The following PTDSS2 variants were observed in gnomAD, a reference collection of about 807,000 sequenced individuals.
The protein encoded by PTDSS2 is PSS-2.
PTDSS2 carries 41 observed loss-of-function variants against 64.7 expected under a neutral mutation model. The observed-to-expected ratio is 0.63, with a 90% CI of 0.49 to 0.82. PTDSS2 has a LOEUF of 0.82. Among genes scored for constraint, PTDSS2 ranks in the 40% least tolerant of loss-of-function variants. The pLI, the probability that PTDSS2 is intolerant of heterozygous loss-of-function variation, is 0.00. For missense variants in PTDSS2, 485 were observed against 650.0 expected (o/e 0.75, Z 2.76); for synonymous variants, 297 against 277.8 (o/e 1.07, Z -0.69).
At position 479,969 on chromosome 11, in the gene PTDSS2, ATT is replaced by A. The variant is rs1241265093; in HGVS notation, c.435+818_435+819del. On this transcript the variant is annotated intron_variant, in intron 4 of 11. Transcript: ENST00000308020. This position sits in a 1 kb window ranked among gnomAD's most constrained non-coding sequence, Gnocchi z 4.2. ...AATTGACTTTTCTGAGGCAGTGTAC[ATT>A]CTGTGAATTTTAGCATTTGTGTAGA... Among the ~76,000 whole-genome samples, 2 of 152,208 alleles carry A rather than the reference ATT, an allele frequency of 1.3e-5. No individual in the cohort carries two copies. The highest frequency in any genetic ancestry group is 2.4e-5 in the African/African-American group (1 of 41,440).
chr11:464,656 G>A (rs1847060849), intron 2 of PTDSS2, among the ~76,000 whole-genome samples: 1 of 152,322 alleles, frequency 6.6e-6, no homozygotes, highest in South Asian at 2.1e-4. Flanking sequence ...GGGCTCACTG[G>A]GGAGCTTCCG....
rs114662775 is a variant in PTDSS2 at position 452,672 on chromosome 11, G to A, written c.182+2035G>A. Among the ~76,000 whole-genome samples the A allele has an allele frequency of 5.7e-3, 865 of 152,158 alleles. 6 individuals carry two copies. Among genetic ancestry groups the A allele is most frequent in the African/African-American group, 0.02 (832 of 41,502 alleles). ...CCCTCGACCCTGTCCCTGTAGAGAC[G>A]CATGGGGCAGGTTCTTGCTGTGCCT... On this transcript the variant is annotated intron_variant, in intron 1 of 11. Coordinates refer to ENST00000308020, the MANE Select transcript of PTDSS2 (RefSeq NM_030783.3).
At chr11:482,756 G>A (rs1055944979) in intron 4 of PTDSS2, among the ~76,000 whole-genome samples, 5 of 151,840 alleles carry the variant, frequency 3.3e-5, no homozygotes, top group African/African-American at 7.3e-5. Flanking sequence ...TCTCCCTACC[G>A]AGTGCAGAAA....
upstream of PTDSS2, among the ~76,000 whole-genome samples, chr11:448,779 T>C (rs1370081317): frequency 6.6e-6 from 1 of 152,268 alleles, no homozygotes; most frequent in East Asian, 1.9e-4. Context: ...ATAAAGCTGA[T>C]ATGAGATATA....
chr11:473,745 G>A (rs912013200), intron 2 of PTDSS2, 150 bp from the exon 3 acceptor site: 8 of 669,204 alleles, frequency 1.2e-5, no homozygotes, highest in Non-Finnish European at 1.9e-5. Flanking sequence ...TCCCCGCGGC[G>A]GAGTCGCCCA....
At chr11:486,833 G>C in intron 4 of PTDSS2, 106 bp from the exon 5 acceptor site, 1 of 1,426,542 alleles carries the variant, frequency 7.0e-7, no homozygotes, top group Non-Finnish European at 9.3e-7. Context: ...GGGCGACAGA[G>C]CGAGACTCCA....
At chr11:450,748 G>C (rs1846278236) in intron 1 of PTDSS2, 111 bp downstream of exon 1, 3 of 995,282 alleles carry the variant, frequency 3.0e-6, no homozygotes, top group Non-Finnish European at 3.9e-6. Context: ...TGGAGTCCAG[G>C]ACTGTGGCCG....
At chr11:465,629 C>T (rs1036928891) in intron 2 of PTDSS2, among the ~76,000 whole-genome samples, 2 of 152,186 alleles carry the variant, frequency 1.3e-5, no homozygotes, top group Admixed American at 1.3e-4. Flanking sequence ...GACTTCATTA[C>T]AATTAAAATT....
At chr11:489,080 G>T (rs1848542811) in intron 8 of PTDSS2, among the ~76,000 whole-genome samples, 1 of 152,268 alleles carries the variant, frequency 6.6e-6, no homozygotes, top group Non-Finnish European at 1.5e-5. Context: ...TGCAGACATG[G>T]CTAGCTCACG....
intron 4 of PTDSS2, among the ~76,000 whole-genome samples, chr11:484,265 T>G (rs896020681): frequency 4.6e-5 from 7 of 152,170 alleles, no homozygotes; most frequent in Admixed American, 4.6e-4. Context: ...CTTTTCGTTT[T>G]GTTTTTCTGA....
At chr11:488,153 G>T (rs149169474) in intron 6 of PTDSS2, 46 bp from the exon 7 acceptor site, 1 of 1,424,658 alleles carries the variant, frequency 7.0e-7, no homozygotes, top group South Asian at 1.1e-5. Flanking sequence ...GGGCAGGGCC[G>T]GGTGTGGCCG....
chr11:450,430 G>T lies in PTDSS2; in HGVS notation c.-26G>T. On this transcript the variant is annotated 5_prime_UTR_variant, in exon 1 of 12. Coordinates refer to ENST00000308020, the MANE Select transcript of PTDSS2 (RefSeq NM_030783.3). ...GGTGTGCGTGGGGTCGAGGCGCCGG[G>T]CGGAGTGGCTCCGGGCCGAAACGCC... is the stretch of plus-strand genomic sequence containing the variant. 1 of 1,223,010 alleles carries T rather than the reference G, an allele frequency of 8.2e-7. No individual in the cohort carries two copies. The allele number at this position is 1,223,010 out of a possible 1,614,324, so 75.8% of individuals were successfully genotyped here.
At chr11:450,875 C>A (rs1379123774) in intron 1 of PTDSS2, among the ~76,000 whole-genome samples, 1 of 152,082 alleles carries the variant, frequency 6.6e-6, no homozygotes, top group Non-Finnish European at 1.5e-5. Flanking sequence ...CTGGGCAGAC[C>A]CTCCCTGCGG....
intron 1 of PTDSS2, among the ~76,000 whole-genome samples, chr11:458,215 T>A (rs902448106): frequency 1.3e-5 from 2 of 152,050 alleles, no homozygotes; most frequent in Non-Finnish European, 2.9e-5. Context: ...TTTTTCTTTT[T>A]TTTTTTTGAG....
At chr11:485,656 G>T (rs1221108769) in intron 4 of PTDSS2, among the ~76,000 whole-genome samples, 7 of 142,024 alleles carry the variant, frequency 4.9e-5, no homozygotes, top group Non-Finnish European at 9.2e-5. Context: ...TGTGCTCACT[G>T]TGCGCAGGCG....
chr11:488,794 T>C, intron 8 of PTDSS2, 147 bp downstream of exon 8: 1 of 664,468 alleles, frequency 1.5e-6, no homozygotes, highest in Non-Finnish European at 2.7e-6. Context: ...TCCTGGAACC[T>C]CCCTCTGACC....
chr11:473,404 C>T lies in PTDSS2; in HGVS notation c.285-491C>T, dbSNP rs548130756. Among the ~76,000 whole-genome samples, 255 of 152,334 alleles carry T rather than the reference C, an allele frequency of 1.7e-3. 2 individuals are homozygous for T. Among genetic ancestry groups the T allele is most frequent in the African/African-American group, 5.8e-3 (241 of 41,584 alleles). ...GGAGGCAGTAGCTCCTGACGCCTTC[C>T]CTCCTACGTGGGCTTTGTGATCACT... On this transcript the variant is annotated intron_variant, in intron 2 of 11. Coordinates refer to ENST00000308020, the MANE Select transcript of PTDSS2 (RefSeq NM_030783.3).
Position 461,718 on chromosome 11 carries a change from C to A in PTDSS2, c.284+1430C>A, listed in dbSNP as rs528844492. Among the ~76,000 whole-genome samples, 41 of 152,190 alleles carry A rather than the reference C, an allele frequency of 2.7e-4. No individual in the cohort carries two copies. The highest frequency in any genetic ancestry group is 3.4e-3 in the Middle Eastern group (1 of 294). On this transcript the variant is annotated intron_variant, in intron 2 of 11. Transcript: ENST00000308020. This position sits in a 1 kb window ranked among gnomAD's most constrained non-coding sequence, Gnocchi z 4.2. ...CCTCCCGTGCTCCAGGCCCAGCTCG[C>A]TCCTTCTCCCTTTCTTAGGCAGTCC...
chr11:466,265 A>T (rs535163078), intron 2 of PTDSS2, among the ~76,000 whole-genome samples: 42 of 152,268 alleles, frequency 2.8e-4, no homozygotes, highest in Admixed American at 1.6e-3. Flanking sequence ...AAAGAGGTTC[A>T]TCGACTCACA....
Sources: gnomAD v4.1 joint callset for allele counts (sites outside exome capture counted in the v4.1 genomes callset) on GRCh38, gnomAD v4.1.1 for gene constraint, Gnocchi (gnomAD v3.1) non-coding constraint, MANE v1.5 for transcripts, NCBI Gene and HGNC (gene_info 2026-07-23, HGNC 2026-07-21) for gene names.